KIF15: variants seen among roughly 807,000 people sequenced by gnomAD.
The protein encoded by KIF15 is kinesin family member 15, also known as kinesin-like protein KIF15.
KIF15 carries 140 observed loss-of-function variants against 190.6 expected under a neutral mutation model. The observed-to-expected ratio is 0.73, with a 90% CI of 0.64 to 0.84. The LOEUF (loss-of-function observed/expected upper bound fraction) is 0.84. KIF15 is among the 40% of genes least tolerant of loss of function. The pLI is 0.00. For missense variants in KIF15, 1,372 were observed against 1,584.4 expected (o/e 0.87, Z 2.28); for synonymous variants, 528 against 551.3 (o/e 0.96, Z 0.59).
Position 44,830,087 on chromosome 3 carries a change from C to A in KIF15, c.3048+12C>A, listed in dbSNP as rs1447964790. 4.1e-6 allele frequency: 6 copies of A among 1,458,916 alleles called. No homozygotes were observed. In the South Asian group the frequency reaches 6.2e-5, roughly 15 times the overall value. The allele number at this position is 1,458,916 out of a possible 1,614,324, so 90.4% of individuals were successfully genotyped here. ...TGAAGGACATAAATGTAAGTTCGGTCACCAACAAGATGTTAAATTTGAGCA... is the reference window on the plus strand; with the variant it reads ...TGAAGGACATAAATGTAAGTTCGGTAACCAACAAGATGTTAAATTTGAGCA... On this transcript the variant is annotated intron_variant, in intron 25 of 34. Coordinates refer to ENST00000326047, the MANE Select transcript of KIF15 (RefSeq NM_020242.3).
At chr3:44,777,917 T>C (rs1003821461) in intron 3 of KIF15, among the ~76,000 whole-genome samples, 198 bp from the exon 4 acceptor site, 2 of 152,228 alleles carry the variant, frequency 1.3e-5, no homozygotes, top group African/African-American at 4.8e-5. Flanking sequence ...TTGTGTGCTT[T>C]AAATCTATAG....
chr3:44,863,347 A>C (rs1265114605), intron 6 of KIF15: 2 of 114,276 alleles, frequency 1.8e-5, no homozygotes, highest in Non-Finnish European at 3.4e-5. Flanking sequence ...CTAACTCACC[A>C]CCAAGCAAGG....
At chr3:44,855,190 G>C (rs920778272), downstream of KIF15, among the ~76,000 whole-genome samples, 1 of 152,194 alleles carries the variant, frequency 6.6e-6, no homozygotes, top group Non-Finnish European at 1.5e-5. Context: ...GGAGTTAGGA[G>C]CAATGTTTTG....
At chr3:44,858,927 G>A (rs575913361) in intron 6 of KIF15, among the ~76,000 whole-genome samples, 13 of 152,348 alleles carry the variant, frequency 8.5e-5, no homozygotes, top group Middle Eastern at 3.4e-3. Context: ...CAAGGCGATC[G>A]GGCAGCATCA....
downstream of KIF15, among the ~76,000 whole-genome samples, chr3:44,856,327 C>G (rs753643058): frequency 1.3e-5 from 2 of 152,012 alleles, no homozygotes; most frequent in African/African-American, 2.4e-5. Flanking sequence ...GGGGCCTGAA[C>G]AATCCCTGCG....
chr3:44,805,659 C>G (rs1439029134), intron 15 of KIF15, among the ~76,000 whole-genome samples, 186 bp from the exon 16 acceptor site: 1 of 152,120 alleles, frequency 6.6e-6, no homozygotes, highest in Non-Finnish European at 1.5e-5. Context: ...CTAGTTGAAT[C>G]CCTTAAACAG....
intron 4 of KIF15, 121 bp from the exon 5 acceptor site, chr3:44,780,764 T>A: frequency 1.7e-6 from 1 of 604,094 alleles, no homozygotes; most frequent in Admixed American, 3.1e-5. Flanking sequence ...CTAATAGAAT[T>A]TAAAAATAGA....
chr3:44,847,272 C>T (rs756166333), intron 30 of KIF15, among the ~76,000 whole-genome samples: 3 of 152,182 alleles, frequency 2.0e-5, no homozygotes, highest in Non-Finnish European at 4.4e-5. Context: ...AAGCCTACAA[C>T]ATTCAGGAAG....
chr3:44,850,567 C>T (rs569666066), intron 32 of KIF15, among the ~76,000 whole-genome samples: 24 of 152,294 alleles, frequency 1.6e-4, no homozygotes, highest in South Asian at 6.2e-4. Flanking sequence ...CTTCAGCAAA[C>T]GGCATGCACT....
At chr3:44,796,622 TG>T (rs1401901417) in intron 8 of KIF15, among the ~76,000 whole-genome samples, 1 of 152,222 alleles carries the variant, frequency 6.6e-6, no homozygotes, top group Admixed American at 6.5e-5. Flanking sequence ...CAGTACATCT[TG>T]CATTATAATT....
chr3:44,769,854 A>G (rs1414025303), intron 1 of KIF15, among the ~76,000 whole-genome samples: 1 of 152,188 alleles, frequency 6.6e-6, no homozygotes, highest in East Asian at 1.9e-4. Flanking sequence ...ACTGGTGGCT[A>G]TAGTTATGTT....
chr3:44,789,366 C>G (rs1360361365), intron 7 of KIF15, among the ~76,000 whole-genome samples: 1 of 151,646 alleles, frequency 6.6e-6, no homozygotes, highest in African/African-American at 2.4e-5. Context: ...GGATTTCTAA[C>G]TTATTTCTCA....
intron 20 of KIF15, among the ~76,000 whole-genome samples, chr3:44,819,648 G>A (rs1708176819): frequency 6.6e-6 from 1 of 152,132 alleles, no homozygotes; most frequent in Admixed American, 6.5e-5. Context: ...ATTTGCTGAG[G>A]AGTGCTTTAC....
At chr3:44,807,368 G>A (rs1466274696) in intron 16 of KIF15, among the ~76,000 whole-genome samples, 5 of 151,938 alleles carry the variant, frequency 3.3e-5, no homozygotes. Context: ...GGGATTCCAG[G>A]CGCCTGCCCC....
intron 1 of KIF15, among the ~76,000 whole-genome samples, chr3:44,770,654 T>C (rs147165794): frequency 1.5e-3 from 227 of 152,332 alleles, no homozygotes; most frequent in African/African-American, 5.2e-3. Context: ...GTGTCTTCAG[T>C]TGTGTCCTGT....
rs574788910 is a variant in KIF15, at chr3:44,836,769, T to C, written c.3172-1506T>C. On this transcript the variant is annotated intron_variant, in intron 26 of 34. Transcript: ENST00000326047. ...GGAGTATTGCCAGCGAAGAAGACTT[T>C]AAATGAGTGCCATAGCCAAGATAGG... is the stretch of plus-strand genomic sequence containing the variant. Among the ~76,000 whole-genome samples, 750 of 152,330 alleles carry C rather than the reference T, an allele frequency of 4.9e-3. 13 individuals are homozygous for C. The highest frequency in any genetic ancestry group is 0.017 in the African/African-American group (691 of 41,574).
At chr3:44,844,952 G>A (rs1397707348) in intron 30 of KIF15, among the ~76,000 whole-genome samples, 2 of 152,154 alleles carry the variant, frequency 1.3e-5, no homozygotes, top group Non-Finnish European at 2.9e-5. Flanking sequence ...CTGGTTAACT[G>A]TAAAAAAGAT....
At chr3:44,818,423 A>G (rs9871583) in intron 20 of KIF15, among the ~76,000 whole-genome samples, 3,142 of 152,286 alleles carry the variant, frequency 0.021, 91 homozygotes, top group African/African-American at 0.071. Flanking sequence ...TTCCATCAAT[A>G]TCTAGTTTAT....
intron 24 of KIF15, among the ~76,000 whole-genome samples, chr3:44,829,513 ATATAT>A (rs1345801658): frequency 2.4e-5 from 3 of 126,894 alleles, no homozygotes; most frequent in Admixed American, 9.1e-5. Context: ...ATATACGCAT[ATATAT>A]TATATGTATA....
Sources: gnomAD v4.1 joint callset for allele counts (sites outside exome capture counted in the v4.1 genomes callset) on GRCh38, gnomAD v4.1.1 for gene constraint, MANE v1.5 for transcripts, NCBI Gene and HGNC (gene_info 2026-07-23, HGNC 2026-07-21) for gene names.